The following MRO variants were observed in gnomAD, a reference collection of about 807,000 sequenced individuals.
MRO encodes the protein maestro.
A neutral mutation model predicts 31.0 loss-of-function variants in MRO; 28 were observed. That is an observed-to-expected ratio of 0.90 (90% CI 0.67 to 1.24). MRO has a LOEUF of 1.24. MRO is among the 50% of genes most tolerant of loss of function. The probability of loss-of-function intolerance (pLI) is 0.00; values close to 1 mark genes in which losing one functional copy is unlikely to be tolerated. For missense variants in MRO, 332 were observed against 289.2 expected (o/e 1.15, Z -1.07); for synonymous variants, 108 against 108.4 (o/e 1.00, Z 0.02).
At chr18:50,821,470 A>G (rs1213995266), upstream of MRO, among the ~76,000 whole-genome samples, 1 of 152,250 alleles carries the variant, frequency 6.6e-6, no homozygotes, top group East Asian at 1.9e-4. Flanking sequence ...TTATACGGCC[A>G]TAATCTATAT....
Position 50,799,265 on chromosome 18 carries a change from G to A in MRO, c.*72C>T, listed in dbSNP as rs562148547. 4 of 1,334,488 alleles carry A rather than the reference G, an allele frequency of 3.0e-6. No individual in the cohort carries two copies. The highest frequency in any genetic ancestry group is 2.3e-5 in the East Asian group (1 of 43,324). The allele number at this position is 1,334,488 out of a possible 1,614,324, so 82.7% of individuals were successfully genotyped here. On this transcript the variant is annotated 3_prime_UTR_variant, in exon 8 of 8. Transcript: ENST00000398439. ...GGCAAGCAGTGAGAAGAGGCATCCAGTGAGATAAAACAGGGGAACATGATG... is the reference window on the plus strand; with the variant it reads ...GGCAAGCAGTGAGAAGAGGCATCCAATGAGATAAAACAGGGGAACATGATG...
At position 50,801,520 on chromosome 18, in the gene MRO, A is replaced by G. The variant is rs371375685; in HGVS notation, c.430-16T>C. The G allele has an allele frequency of 9.1e-5, 143 of 1,571,382 alleles. 1 individual carries two copies. In the African/African-American group the frequency reaches 1.7e-3, roughly 19 times the overall value. On this transcript the variant is annotated splice_polypyrimidine_tract_variant and intron_variant, in intron 5 of 7. Coordinates refer to ENST00000398439, the MANE Select transcript of MRO (RefSeq NM_031939.6). ...TGTCGTTCTCCTGCGGTCCCCATCA[A>G]CAAAACAATAAGAAAGCCAGATCAT...
Position 50,805,184 on chromosome 18 carries a change from G to A in MRO, c.399C>T (p.Ile133=), listed in dbSNP as rs748949733. Residue 133 remains isoleucine (I), a synonymous_variant, in exon 5 of 8, where the codon ATC becomes ATT. Coordinates refer to ENST00000398439, the MANE Select transcript of MRO (RefSeq NM_031939.6). ...GKGLGSFFID[I]TLQTRTLLDD... ...CTAATAAAGTCCTGGTCTGAAGGGTGATATCTATGAAGAAGGAACCCAAAC... is the reference window on the plus strand; with the variant it reads ...CTAATAAAGTCCTGGTCTGAAGGGTAATATCTATGAAGAAGGAACCCAAAC... 6.2e-6 allele frequency: 10 copies of A among 1,613,316 alleles called. No individual in the cohort carries two copies. Among genetic ancestry groups the A allele is most frequent in the South Asian group, 3.3e-5 (3 of 91,068 alleles).
At chr18:50,811,334 G>A (rs1914452904) in intron 2 of MRO, among the ~76,000 whole-genome samples, 1 of 152,082 alleles carries the variant, frequency 6.6e-6, no homozygotes. Context: ...AGAAAGCCCT[G>A]CACCCATTAG....
At chr18:50,807,026 G>A (rs148389309) in intron 3 of MRO, among the ~76,000 whole-genome samples, 176 bp from the exon 4 acceptor site, 1,664 of 152,150 alleles carry the variant, frequency 0.011, 58 homozygotes, top group Admixed American at 0.072. Context: ...TCTACATAAC[G>A]AAGAAATTGA....
intron 5 of MRO, 78 bp from the exon 6 acceptor site, chr18:50,801,582 A>G (rs1190635853): frequency 7.3e-7 from 1 of 1,373,008 alleles, no homozygotes; most frequent in Non-Finnish European, 1.0e-6. Context: ...CATCACAGCC[A>G]TCGGTCAGAA....
At chr18:50,802,563 G>A (rs1913446224) in intron 5 of MRO, among the ~76,000 whole-genome samples, 1 of 152,136 alleles carries the variant, frequency 6.6e-6, no homozygotes, top group Admixed American at 6.6e-5. Context: ...GAGGGAGGAG[G>A]GCTGGGGTGG....
upstream of MRO, chr18:50,820,029 T>G (rs1915243689): frequency 2.8e-6 from 4 of 1,417,404 alleles, no homozygotes; most frequent in Non-Finnish European, 3.9e-6. Context: ...GGACCTTTCC[T>G]CTGCACCAAA....
At chr18:50,811,071 T>C (rs1168462641) in intron 2 of MRO, among the ~76,000 whole-genome samples, 1 of 152,126 alleles carries the variant, frequency 6.6e-6, no homozygotes, top group Non-Finnish European at 1.5e-5. Context: ...TCCCATGCAG[T>C]ATCATGGTGA....
At chr18:50,811,244 C>T (rs2144640970) in intron 2 of MRO, among the ~76,000 whole-genome samples, 1 of 152,280 alleles carries the variant, frequency 6.6e-6, no homozygotes, top group African/African-American at 2.4e-5. Context: ...TAGGTGAAAT[C>T]CATGTAACAT....
chr18:50,803,247 T>A lies in MRO; in HGVS notation c.430-1743A>T, dbSNP rs150381128. Among the ~76,000 whole-genome samples, 339 of 152,314 alleles carry A rather than the reference T, an allele frequency of 2.2e-3. 7 individuals carry two copies. Among genetic ancestry groups the A allele is most frequent in the Middle Eastern group, 3.4e-3 (1 of 294 alleles). ...GGTTGAAGGCCAGACACATGTCTCA[T>A]GCCTGAAATCCCAGCCCTTTGGGAG... On this transcript the variant is annotated intron_variant, in intron 5 of 7. Transcript: ENST00000398439.
At chr18:50,802,925 G>GTGTA (rs1913523931) in intron 5 of MRO, among the ~76,000 whole-genome samples, 1 of 151,158 alleles carries the variant, frequency 6.6e-6, no homozygotes, top group African/African-American at 2.4e-5. Context: ...TAGTGTGTGT[G>GTGTA]TGTGTGTGTG....
In MRO at chr18:50,799,361, G is replaced by A. The variant is rs1237048862; in HGVS notation, c.723C>T (p.Phe241=). The A allele has an allele frequency of 3.1e-6, 5 of 1,613,910 alleles. No individual in the cohort carries two copies. The African/African-American group carries it at 4.0e-5, about 13-fold the overall frequency. The change falls in exon 8 of 8, where the codon TTC becomes TTT. Residue 241 remains phenylalanine, a synonymous_variant. Coordinates refer to ENST00000398439, the MANE Select transcript of MRO (RefSeq NM_031939.6). ...CTTACAGAATTTTATTTGCGTAGAA[G>A]AACTGCAGGATCTCTGGATGATAGT... The part of the protein sequence containing the change: ...LSHYHPEILQ[F]FYANKIL
chr18:50,806,531 G>T (rs545782877), intron 4 of MRO, among the ~76,000 whole-genome samples, 173 bp downstream of exon 4: 2 of 152,140 alleles, frequency 1.3e-5, no homozygotes, highest in Non-Finnish European at 2.9e-5. Flanking sequence ...CCTGACCCGC[G>T]AAAACCCGAG....
chr18:50,810,956 G>A (rs763195244), intron 2 of MRO, among the ~76,000 whole-genome samples: 8 of 152,194 alleles, frequency 5.3e-5, no homozygotes, highest in South Asian at 4.1e-4. Context: ...CACTGAAGTC[G>A]AGAGAGGACC....
chr18:50,823,771 G>T, upstream of MRO: 1 of 185,752 alleles, frequency 5.4e-6, no homozygotes, highest in South Asian at 1.2e-4. Flanking sequence ...TTACAAAGGT[G>T]GAGCTGACAT....
At chr18:50,814,663 G>C (rs188172063) in intron 2 of MRO, 6 of 207,432 alleles carry the variant, frequency 2.9e-5, no homozygotes, top group Non-Finnish European at 6.2e-5. Context: ...AAAGCCTGGT[G>C]CCCATCCAAC....
intron 2 of MRO, among the ~76,000 whole-genome samples, chr18:50,812,447 C>T (rs1010742887): frequency 6.6e-6 from 1 of 152,130 alleles, no homozygotes; most frequent in Admixed American, 6.5e-5. Flanking sequence ...AATATTTTCT[C>T]CCATTCTGTG....
In MRO at chr18:50,806,898, T is replaced by C. The variant is rs368595929; in HGVS notation, c.100-48A>G. ...ATTAATTTGGGAGTGTTCAGAGTCA[T>C]ACCAATCCCAACCCCAATCTCTCCC... On this transcript the variant is annotated intron_variant, in intron 3 of 7. Transcript: ENST00000398439. 51 of 1,580,280 alleles carry C rather than the reference T, an allele frequency of 3.2e-5. No individual in the cohort carries two copies. In the Middle Eastern group the frequency reaches 8.4e-4, roughly 26 times the overall value.
Sources: allele counts gnomAD v4.1 joint callset (sites outside exome capture counted in the v4.1 genomes callset), GRCh38; gene constraint gnomAD v4.1.1; transcripts MANE v1.5; gene names NCBI Gene and HGNC (gene_info 2026-07-23, HGNC 2026-07-21).